Variants in NEK10 observed in about 807,000 individuals in gnomAD.
The protein encoded by NEK10 is serine/threonine-protein kinase Nek10.
A neutral mutation model predicts 159.8 loss-of-function variants in NEK10; 122 were observed. That is an observed-to-expected ratio of 0.76 (90% confidence interval 0.66 to 0.89). The LOEUF (loss-of-function observed/expected upper bound fraction) is 0.89. Ranked by LOEUF, NEK10 falls within the 40% of genes least tolerant of loss-of-function variation. The pLI, the probability that NEK10 is intolerant of heterozygous loss-of-function variation, is 0.00. For synonymous variants in NEK10, 466 were observed against 457.1 expected (o/e 1.02, Z -0.25); for missense variants, 1,342 against 1,323.1 (o/e 1.01, Z -0.22).
At position 27,308,951 on chromosome 3, in the gene NEK10, G is replaced by A. The variant is rs1280288559; in HGVS notation, c.691C>T (p.Leu231=). 2 of 1,597,568 alleles carry A rather than the reference G, an allele frequency of 1.3e-6. No individual in the cohort carries two copies. Among genetic ancestry groups the A allele is most frequent in the Admixed American group, 3.3e-5 (2 of 59,788 alleles). ...CTTTCTGCTAAACTAGCCAGAGCCA[G>A]AAGGGAACCCAATAGAACATTAGTA... ...RDTNVLLGSL[L]ALASLAESQE... Residue 231 remains leucine, a synonymous_variant, in exon 10 of 36, where the codon CTG becomes TTG. Coordinates refer to ENST00000691995, the MANE Select transcript of NEK10 (RefSeq NM_001394966.1).
rs1298152155 is a variant in NEK10 at position 27,107,226 on chromosome 3, A to G, written c.*4046T>C. Among the ~76,000 whole-genome samples, 1 of 152,172 alleles carries G rather than the reference A, an allele frequency of 6.6e-6. No homozygotes were observed. The highest frequency in any genetic ancestry group is 1.5e-5 in the Non-Finnish European group (1 of 68,032). On this transcript the variant is annotated 3_prime_UTR_variant, in exon 36 of 36. Coordinates refer to ENST00000691995, the MANE Select transcript of NEK10 (RefSeq NM_001394966.1). Reference sequence around the variant, plus strand: ...TTGCCCATGAACTCAGAAAATATGTAAATTGGCAATATCCATCAGACACCC... The same window carrying G: ...TTGCCCATGAACTCAGAAAATATGTGAATTGGCAATATCCATCAGACACCC...
chr3:27,194,933 C>T (rs1478908891), intron 25 of NEK10, among the ~76,000 whole-genome samples: 1 of 152,204 alleles, frequency 6.6e-6, no homozygotes, highest in East Asian at 1.9e-4. Flanking sequence ...CTTCCCCAAA[C>T]TCCTCAGGGT....
At chr3:27,312,997 C>G (rs1371001934) in intron 7 of NEK10, among the ~76,000 whole-genome samples, 2 of 151,776 alleles carry the variant, frequency 1.3e-5, no homozygotes, top group South Asian at 4.1e-4. Flanking sequence ...AAACATTATA[C>G]AGGTTTTAGG....
At chr3:27,155,646 A>G (rs1419787077) in intron 30 of NEK10, among the ~76,000 whole-genome samples, 1 of 152,170 alleles carries the variant, frequency 6.6e-6, no homozygotes, top group Non-Finnish European at 1.5e-5. Flanking sequence ...CATAGATGAC[A>G]CAAACAAATG....
At chr3:27,304,596 A>T (rs2044090440) in intron 12 of NEK10, 151 bp downstream of exon 12, 2 of 617,706 alleles carry the variant, frequency 3.2e-6, no homozygotes, top group Admixed American at 5.6e-5. Context: ...CATGCTTGTG[A>T]CAAGTCTAGA....
intron 28 of NEK10, among the ~76,000 whole-genome samples, chr3:27,172,286 G>A (rs1472207966): frequency 8.2e-6 from 1 of 121,780 alleles, no homozygotes; most frequent in African/African-American, 3.3e-5. Context: ...AGTGAGCTAA[G>A]ATCGTGCCAC....
chr3:27,164,993 C>T (rs1946353873), intron 29 of NEK10, among the ~76,000 whole-genome samples: 1 of 152,154 alleles, frequency 6.6e-6, no homozygotes, highest in African/African-American at 2.4e-5. Context: ...GAGTTGCTGC[C>T]GCTTTTGCTA....
At chr3:27,140,478 G>C (rs1426373610) in intron 31 of NEK10, among the ~76,000 whole-genome samples, 1 of 152,208 alleles carries the variant, frequency 6.6e-6, no homozygotes, top group Non-Finnish European at 1.5e-5. Flanking sequence ...GACACTGGTT[G>C]CAAACTGACA....
rs534422891 is a variant in NEK10, at chr3:27,143,404, G to A, written c.2870-1822C>T. The A allele has an allele frequency of 9.8e-5, 72 of 733,146 alleles. 1 individual carries two copies. The South Asian group carries it at 1.0e-3, about 10-fold the overall frequency. 45.4% of individuals were successfully genotyped at this position (733,146 alleles called of 1,614,324 possible). On this transcript the variant is annotated intron_variant, in intron 30 of 35. Coordinates refer to ENST00000691995, the MANE Select transcript of NEK10 (RefSeq NM_001394966.1). ...CATGGCAAAGAGTTCTTAGATCTGTGATGACATTTTGAATGGGATATCACA... is the reference window on the plus strand; with the variant it reads ...CATGGCAAAGAGTTCTTAGATCTGTAATGACATTTTGAATGGGATATCACA...
chr3:27,124,717 C>T (rs1178088398), intron 32 of NEK10, among the ~76,000 whole-genome samples: 2 of 152,132 alleles, frequency 1.3e-5, no homozygotes, highest in African/African-American at 4.8e-5. Context: ...AAAACGGATG[C>T]TTTCAAGGAA....
Position 27,351,692 on chromosome 3 carries a change from C to T in NEK10, c.132+773G>A, listed in dbSNP as rs767376902. On this transcript the variant is annotated intron_variant, in intron 3 of 35. Coordinates refer to ENST00000691995, the MANE Select transcript of NEK10 (RefSeq NM_001394966.1). ...AAACTGTCAGGGCTGGATTACCAAA[C>T]ACCAGAGCTCTTAAACAGATTTACT... Among the ~76,000 whole-genome samples, 4 of 152,204 alleles carry T rather than the reference C, an allele frequency of 2.6e-5. No homozygotes were observed. The South Asian group carries it at 6.2e-4, about 24-fold the overall frequency.
At chr3:27,189,035 C>T (rs953664532) in intron 26 of NEK10, among the ~76,000 whole-genome samples, 1 of 152,092 alleles carries the variant, frequency 6.6e-6, no homozygotes, top group Non-Finnish European at 1.5e-5. Context: ...AATTATTACA[C>T]ATTTAAGTTA....
chr3:27,127,103 C>T (rs186319946), intron 32 of NEK10, among the ~76,000 whole-genome samples: 26 of 152,222 alleles, frequency 1.7e-4, no homozygotes, highest in East Asian at 5.8e-4. Context: ...ATGAATTCCA[C>T]GTACCCGTCA....
chr3:27,131,851 A>G, intron 32 of NEK10, 29 bp downstream of exon 32: 1 of 1,295,588 alleles, frequency 7.7e-7, no homozygotes, highest in Non-Finnish European at 1.1e-6. Context: ...TTTGTCAGCA[A>G]AAGAATTCCT....
intron 23 of NEK10, among the ~76,000 whole-genome samples, chr3:27,220,700 G>A (rs755803471): frequency 7.9e-5 from 12 of 151,690 alleles, no homozygotes; most frequent in African/African-American, 1.7e-4. Context: ...AGAAACACAC[G>A]GGACACAGAA....
intron 30 of NEK10, among the ~76,000 whole-genome samples, chr3:27,151,911 G>A (rs1944915371): frequency 6.6e-6 from 1 of 152,052 alleles, no homozygotes; most frequent in Non-Finnish European, 1.5e-5. Flanking sequence ...TCAAAGACGA[G>A]GTCTTTGAAT....
chr3:27,169,611 T>C (rs989758347), intron 29 of NEK10, among the ~76,000 whole-genome samples: 1 of 152,214 alleles, frequency 6.6e-6, no homozygotes, highest in Non-Finnish European at 1.5e-5. Context: ...CAGTGATGCA[T>C]CTTTGACTAA....
At chr3:27,217,253 C>G (rs750836151) in intron 23 of NEK10, among the ~76,000 whole-genome samples, 1 of 152,100 alleles carries the variant, frequency 6.6e-6, no homozygotes, top group Non-Finnish European at 1.5e-5. Context: ...AGAAGAAAAT[C>G]CTGTATTCGT....
At chr3:27,247,811 TTTTCTTTTC>T (rs1334295379) in intron 23 of NEK10, among the ~76,000 whole-genome samples, 1 of 141,032 alleles carries the variant, frequency 7.1e-6, no homozygotes, top group Non-Finnish European at 1.5e-5. Flanking sequence ...TTTTCTTTTC[TTTTCTTTTC>T]TTTTTTTTTT....
Sources: allele counts gnomAD v4.1 joint callset (sites outside exome capture counted in the v4.1 genomes callset), GRCh38; gene constraint gnomAD v4.1.1; transcripts MANE v1.5; gene names NCBI Gene and HGNC (gene_info 2026-07-23, HGNC 2026-07-21).